TLK1: variants seen among roughly 807,000 people sequenced by gnomAD.
TLK1 encodes serine/threonine-protein kinase tousled-like 1.
Under a neutral mutation model 105.3 loss-of-function variants are expected in TLK1, and 24 were observed. That is an observed-to-expected ratio of 0.23 (90% CI 0.17 to 0.32). The LOEUF (loss-of-function observed/expected upper bound fraction) is 0.32. TLK1 is among the 10% of genes least tolerant of loss of function. TLK1 has a pLI of 1.00. For synonymous variants in TLK1, 321 were observed against 310.4 expected, an observed-to-expected ratio of 1.03 and a Z score of -0.36; for missense variants, 558 against 910.5, an observed-to-expected ratio of 0.61 and a Z score of 4.98.
intron 1 of TLK1, among the ~76,000 whole-genome samples, chr2:171,170,030 A>G (rs1357589288): frequency 6.6e-6 from 1 of 152,232 alleles, no homozygotes; most frequent in African/African-American, 2.4e-5. Context: ...CAGCATGCAC[A>G]CATGAAAAGA....
intron 1 of TLK1, among the ~76,000 whole-genome samples, chr2:171,146,156 A>T (rs1190777916): frequency 1.3e-5 from 2 of 152,074 alleles, no homozygotes; most frequent in African/African-American, 4.8e-5. Context: ...AAAGACTTAT[A>T]CTCATTAAAG....
chr2:171,067,521 A>G (rs1424232402), intron 3 of TLK1, among the ~76,000 whole-genome samples: 2 of 152,146 alleles, frequency 1.3e-5, no homozygotes, highest in South Asian at 2.1e-4. Context: ...ATCAATTGAC[A>G]TGTTTACATT....
intron 3 of TLK1, among the ~76,000 whole-genome samples, chr2:171,061,385 T>A (rs190740594): frequency 9.2e-5 from 14 of 152,228 alleles, no homozygotes; most frequent in African/African-American, 3.4e-4. Context: ...TGATATTCAG[T>A]TACAGAATTT....
At chr2:171,097,570 G>C (rs1689502128) in intron 2 of TLK1, among the ~76,000 whole-genome samples, 1 of 152,186 alleles carries the variant, frequency 6.6e-6, no homozygotes, top group African/African-American at 2.4e-5. Context: ...TGCAAACCAT[G>C]TATCTGATAA....
chr2:171,165,017 T>A (rs1029544993), upstream of TLK1, among the ~76,000 whole-genome samples: 1 of 151,906 alleles, frequency 6.6e-6, no homozygotes, highest in Admixed American at 6.6e-5. Flanking sequence ...GGAAAAAATA[T>A]AGAAAAGTCA....
chr2:171,079,381 C>T (rs578237471), intron 3 of TLK1, among the ~76,000 whole-genome samples: 7 of 152,342 alleles, frequency 4.6e-5, no homozygotes, highest in African/African-American at 1.7e-4. Context: ...TGTTACAGCA[C>T]AGCCTACACT....
rs974339404 is a variant in TLK1 at position 171,147,156 on chromosome 2, G to C, written c.139+13134C>G. ...TCACTAGACTGTGACCAAGCTCCTA[G>C]AAAGCAAGGACTAACTTCATCATAT... On this transcript the variant is annotated intron_variant, in intron 1 of 20. Coordinates refer to ENST00000431350, the MANE Select transcript of TLK1 (RefSeq NM_012290.5). Among the ~76,000 whole-genome samples the C allele has an allele frequency of 2.6e-5, 4 of 152,150 alleles. No homozygotes were observed. In the East Asian group the frequency reaches 7.7e-4, roughly 29 times the overall value.
At chr2:171,115,574 C>T (rs1175552386) in intron 2 of TLK1, among the ~76,000 whole-genome samples, 1 of 152,080 alleles carries the variant, frequency 6.6e-6, no homozygotes, top group Admixed American at 6.6e-5. Flanking sequence ...TTTCCACCCA[C>T]GATGGCCAAG....
At position 171,006,607 on chromosome 2, in the gene TLK1, G is replaced by A. The variant is rs532773418; in HGVS notation, c.1635C>T (p.Asp545=). The change falls in exon 17 of 21, where the codon GAC becomes GAT. Residue 545 remains aspartate (D), a synonymous_variant. Transcript: ENST00000431350. The part of the protein sequence containing the change: ...CTVLEYCEGN[D]LDFYLKQHKL... ...TGTGTTGCTTCAGATAGAAATCCAA[G>A]TCATTGCCTTCACAGTATTCTAACA... 1.9e-6 allele frequency: 3 copies of A among 1,612,772 alleles called. No individual in the cohort carries two copies. In the South Asian group the frequency reaches 3.3e-5, roughly 18 times the overall value.
intron 1 of TLK1, among the ~76,000 whole-genome samples, chr2:171,223,613 G>C (rs768707598): frequency 8.6e-5 from 13 of 151,244 alleles, no homozygotes; most frequent in Non-Finnish European, 1.3e-4. Context: ...CTGAGTAGCT[G>C]GGATTATAGG....
upstream of TLK1, among the ~76,000 whole-genome samples, chr2:171,162,289 C>T (rs1237355952): frequency 1.3e-5 from 2 of 152,206 alleles, no homozygotes; most frequent in Non-Finnish European, 2.9e-5. Context: ...CCTGTAACCC[C>T]AGCACTTTGG....
intron 12 of TLK1, among the ~76,000 whole-genome samples, 181 bp from the exon 13 acceptor site, chr2:171,015,129 A>C (rs907276995): frequency 4.6e-5 from 7 of 152,124 alleles, no homozygotes; most frequent in African/African-American, 1.7e-4. Context: ...ATAAGGCAAA[A>C]ACCTATTTGA....
At chr2:170,996,910 C>A (rs1265975243) in intron 19 of TLK1, 150 bp from the exon 20 acceptor site, 5 of 662,476 alleles carry the variant, frequency 7.5e-6, no homozygotes, top group African/African-American at 3.7e-5. Context: ...GAGATGAATT[C>A]TCATACAAAC....
At chr2:171,191,116 C>G (rs1364271582) in intron 1 of TLK1, among the ~76,000 whole-genome samples, 1 of 151,584 alleles carries the variant, frequency 6.6e-6, no homozygotes, top group African/African-American at 2.4e-5. Context: ...GTCGAGATCA[C>G]GCCACTGCAC....
intron 1 of TLK1, among the ~76,000 whole-genome samples, chr2:171,139,202 G>A (rs1041014027): frequency 2.0e-5 from 3 of 152,174 alleles, no homozygotes; most frequent in Middle Eastern, 3.4e-3. Flanking sequence ...GTTATTTCAC[G>A]AAGAGCTGTC....
At chr2:171,072,930 A>G (rs1399335554) in intron 3 of TLK1, among the ~76,000 whole-genome samples, 4 of 21,734 alleles carry the variant, frequency 1.8e-4, no homozygotes, top group Non-Finnish European at 1.2e-4. Flanking sequence ...CTCTGTCTCG[A>G]AAAAAAAAAA....
chr2:171,195,998 A>G (rs148853671), intron 1 of TLK1, among the ~76,000 whole-genome samples: 1 of 138,128 alleles, frequency 7.2e-6, no homozygotes, highest in African/African-American at 2.6e-5. Flanking sequence ...AGATTGCACC[A>G]GTGCACTCCA....
chr2:171,146,995 G>T (rs1389695105), intron 1 of TLK1, among the ~76,000 whole-genome samples: 1 of 152,122 alleles, frequency 6.6e-6, no homozygotes, highest in African/African-American at 2.4e-5. Context: ...TTAATTTCTA[G>T]CAACCAAATG....
At chr2:171,058,071 T>C in intron 5 of TLK1, 80 bp downstream of exon 5, 3 of 1,442,164 alleles carry the variant, frequency 2.1e-6, no homozygotes, top group Non-Finnish European at 2.9e-6. Flanking sequence ...AAGCTGACCT[T>C]GTGCTTCTAA....
Sources: gnomAD v4.1 joint callset for allele counts (sites outside exome capture counted in the v4.1 genomes callset) on GRCh38, gnomAD v4.1.1 for gene constraint, MANE v1.5 for transcripts, NCBI Gene and HGNC (gene_info 2026-07-23, HGNC 2026-07-21) for gene names.